PRKAR1B: variants seen among roughly 807,000 people sequenced by gnomAD.
The protein encoded by PRKAR1B is cAMP-dependent protein kinase type I-beta regulatory subunit.
A neutral mutation model predicts 46.5 loss-of-function variants in PRKAR1B; 22 were observed. The observed-to-expected ratio is 0.47, with a 90% CI of 0.34 to 0.68. PRKAR1B has a LOEUF of 0.68. Among genes scored for constraint, PRKAR1B ranks in the 30% least tolerant of loss-of-function variants. The pLI is 0.01. For missense variants in PRKAR1B, 445 were observed against 535.6 expected (o/e 0.83, Z 1.67); for synonymous variants, 259 against 217.7 (o/e 1.19, Z -1.67).
chr7:552,779 A>T (rs940812676), intron 9 of PRKAR1B, among the ~76,000 whole-genome samples: 1 of 152,200 alleles, frequency 6.6e-6, no homozygotes, highest in African/African-American at 2.4e-5. Flanking sequence ...CCGGTCTCCA[A>T]GCTGACCTTG....
intron 7 of PRKAR1B, among the ~76,000 whole-genome samples, chr7:588,960 AGGATAGTGACAG>A: frequency 1.6e-4 from 1 of 6,110 alleles, no homozygotes. Context: ...GATGGTGGTG[AGGATAGTGACAG>A]TGGTGATGAC....
intron 2 of PRKAR1B, among the ~76,000 whole-genome samples, chr7:689,482 A>G (rs1037554647): frequency 3.3e-5 from 5 of 152,198 alleles, no homozygotes; most frequent in Non-Finnish European, 7.3e-5. Flanking sequence ...CAAAAAAATT[A>G]TTTCAATTTT....
At chr7:551,520 T>G (rs917703131) in intron 9 of PRKAR1B, 50 bp from the exon 10 acceptor site, 1 of 1,531,732 alleles carries the variant, frequency 6.5e-7, no homozygotes, top group African/African-American at 1.4e-5. Flanking sequence ...GGGTGCAGGG[T>G]GGGACACACG....
At chr7:561,621 G>A (rs1206972528) in intron 9 of PRKAR1B, among the ~76,000 whole-genome samples, 2 of 152,184 alleles carry the variant, frequency 1.3e-5, no homozygotes, top group Non-Finnish European at 2.9e-5. Context: ...CCTCAGGCCC[G>A]GCTGGCCGAG....
At chr7:605,682 T>C (rs1781991550) in intron 6 of PRKAR1B, among the ~76,000 whole-genome samples, 1 of 152,138 alleles carries the variant, frequency 6.6e-6, no homozygotes, top group South Asian at 2.1e-4. Flanking sequence ...CGTGGGAAGA[T>C]GACACAGTGA....
chr7:633,603 A>G (rs1367975072), intron 4 of PRKAR1B, among the ~76,000 whole-genome samples: 1 of 152,048 alleles, frequency 6.6e-6, no homozygotes, highest in Non-Finnish European at 1.5e-5. Context: ...ATCTCTACAA[A>G]AAATTTCAAA....
intron 4 of PRKAR1B, 75 bp downstream of exon 4, chr7:677,154 G>C: frequency 7.0e-7 from 1 of 1,419,726 alleles, no homozygotes; most frequent in Non-Finnish European, 9.9e-7. Flanking sequence ...GCCCAGGCAA[G>C]TGGCGGGACC....
chr7:588,272 A>C (rs1313814038), intron 7 of PRKAR1B, among the ~76,000 whole-genome samples: 1 of 152,378 alleles, frequency 6.6e-6, no homozygotes, highest in South Asian at 2.1e-4. Context: ...TGGGCAGTCC[A>C]CTCAACGTGG....
Position 714,638 on chromosome 7 carries a change from G to A in PRKAR1B, c.-22-3111C>T, listed in dbSNP as rs891105222. ...TCCAGACTGGCTCTGGTAGGAGTGCGAGGCGTGGCCCCCACCGCCCCAACC... is the reference window on the plus strand; with the variant it reads ...TCCAGACTGGCTCTGGTAGGAGTGCAAGGCGTGGCCCCCACCGCCCCAACC... On this transcript the variant is annotated intron_variant, in intron 1 of 10. Transcript: ENST00000537384. The surrounding 1 kb of genome is among the most constrained non-coding windows in gnomAD (Gnocchi z 4.3). Among the ~76,000 whole-genome samples the A allele has an allele frequency of 7.9e-5, 12 of 152,108 alleles. No homozygotes were observed. The highest frequency in any genetic ancestry group is 2.4e-4 in the African/African-American group (10 of 41,428).
intron 1 of PRKAR1B, among the ~76,000 whole-genome samples, chr7:719,162 C>A (rs185215082): frequency 1.8e-3 from 270 of 152,272 alleles, no homozygotes; most frequent in African/African-American, 6.3e-3. Flanking sequence ...GTCTCAGCCT[C>A]CCGAGTAGGT....
intron 1 of PRKAR1B, among the ~76,000 whole-genome samples, chr7:717,669 C>A (rs1324551621): frequency 6.6e-6 from 1 of 152,136 alleles, no homozygotes; most frequent in African/African-American, 2.4e-5. Flanking sequence ...AAACCACACA[C>A]CCACACACAC....
At chr7:634,288 C>A (rs966449989) in intron 4 of PRKAR1B, among the ~76,000 whole-genome samples, 1 of 151,876 alleles carries the variant, frequency 6.6e-6, no homozygotes, top group African/African-American at 2.4e-5. Flanking sequence ...TCCCAAAGTG[C>A]TGGGATTACA....
intron 9 of PRKAR1B, among the ~76,000 whole-genome samples, chr7:578,120 C>T (rs1388802964): frequency 6.6e-6 from 1 of 152,186 alleles, no homozygotes; most frequent in Non-Finnish European, 1.5e-5. Flanking sequence ...TGGCTTGCAC[C>T]CTGGCCCTGT....
intron 9 of PRKAR1B, among the ~76,000 whole-genome samples, chr7:574,753 G>A (rs1779722263): frequency 6.6e-6 from 1 of 152,176 alleles, no homozygotes; most frequent in African/African-American, 2.4e-5. Flanking sequence ...CAGCGACCCA[G>A]ATTTTTATGT....
chr7:643,909 G>A (rs764233077), intron 4 of PRKAR1B, among the ~76,000 whole-genome samples: 34 of 152,196 alleles, frequency 2.2e-4, no homozygotes, highest in Non-Finnish European at 4.7e-4. Context: ...AGCCACTCCC[G>A]TCGCCCCAAG....
chr7:557,680 G>A (rs564907317), intron 9 of PRKAR1B, among the ~76,000 whole-genome samples: 9 of 152,308 alleles, frequency 5.9e-5, no homozygotes, highest in African/African-American at 1.4e-4. Flanking sequence ...GTTTCCGGGA[G>A]GCCCAGCTTG....
At chr7:710,862 T>C (rs1780587599) in intron 2 of PRKAR1B, among the ~76,000 whole-genome samples, 1 of 152,134 alleles carries the variant, frequency 6.6e-6, no homozygotes. Flanking sequence ...CAGGCTGGTC[T>C]CGAACTCCTG....
At chr7:615,617 C>A (rs1223779745) in intron 4 of PRKAR1B, among the ~76,000 whole-genome samples, 1 of 151,160 alleles carries the variant, frequency 6.6e-6, no homozygotes, top group African/African-American at 2.4e-5. Context: ...GTGGGCGGAT[C>A]ACGAGGTCAG....
At chr7:677,846 G>C (rs1368641708) in intron 3 of PRKAR1B, among the ~76,000 whole-genome samples, 1 of 152,194 alleles carries the variant, frequency 6.6e-6, no homozygotes, top group Non-Finnish European at 1.5e-5. Flanking sequence ...CACAAGCCTA[G>C]CTGGTATAGC....
Sources: gnomAD v4.1 joint callset for allele counts (sites outside exome capture counted in the v4.1 genomes callset) on GRCh38, gnomAD v4.1.1 for gene constraint, Gnocchi (gnomAD v3.1) non-coding constraint, MANE v1.5 for transcripts, NCBI Gene and HGNC (gene_info 2026-07-23, HGNC 2026-07-21) for gene names.